AGK: variants seen among roughly 807,000 people sequenced by gnomAD.
AGK encodes acylglycerol kinase, mitochondrial.
Under a neutral mutation model 66.4 loss-of-function variants are expected in AGK, and 52 were observed. The ratio of observed to expected loss-of-function variants is 0.78; its 90% CI spans 0.63 to 0.99. The LOEUF is 0.99. AGK is among the 50% of genes least tolerant of loss of function. The pLI is 0.00. For synonymous variants in AGK, 182 were observed against 181.1 expected, an observed-to-expected ratio of 1.00 and a Z score of -0.04; for missense variants, 451 against 506.6, an observed-to-expected ratio of 0.89 and a Z score of 1.05.
chr7:141,581,141 A>T (rs1795873591), intron 2 of AGK, among the ~76,000 whole-genome samples: 1 of 152,026 alleles, frequency 6.6e-6, no homozygotes, highest in Non-Finnish European at 1.5e-5. Flanking sequence ...GATATACGTA[A>T]CAGATGAAGA....
At chr7:141,604,878 A>G (rs1196974779) in intron 5 of AGK, among the ~76,000 whole-genome samples, 3 of 151,958 alleles carry the variant, frequency 2.0e-5, no homozygotes, top group Non-Finnish European at 4.4e-5. Context: ...AAAAGAAAAA[A>G]CACTTTTTCT....
intron 2 of AGK, among the ~76,000 whole-genome samples, chr7:141,582,774 T>G (rs764494627): frequency 6.6e-6 from 1 of 151,802 alleles, no homozygotes; most frequent in Non-Finnish European, 1.5e-5. Context: ...GGAACGAAAC[T>G]GTAAGCCAGA....
intron 2 of AGK, among the ~76,000 whole-genome samples, chr7:141,590,331 A>T (rs1348048318): frequency 6.6e-6 from 1 of 152,200 alleles, no homozygotes; most frequent in Non-Finnish European, 1.5e-5. Context: ...TAGAGATGGG[A>T]TTGTAGCTTT....
intron 13 of AGK, among the ~76,000 whole-genome samples, chr7:141,647,011 G>C (rs1226455010): frequency 6.6e-6 from 1 of 152,018 alleles, no homozygotes; most frequent in Non-Finnish European, 1.5e-5. Context: ...CTGGTGACTT[G>C]GTGGTTGTCC....
At chr7:141,629,818 G>A (rs1797018760) in intron 9 of AGK, among the ~76,000 whole-genome samples, 1 of 151,942 alleles carries the variant, frequency 6.6e-6, no homozygotes, top group Admixed American at 6.6e-5. Flanking sequence ...CAGGGTTAGA[G>A]GATCAGTCGG....
At chr7:141,638,056 C>T (rs143447485) in intron 11 of AGK, among the ~76,000 whole-genome samples, 70 of 152,256 alleles carry the variant, frequency 4.6e-4, no homozygotes, top group Non-Finnish European at 7.5e-4. Context: ...GGAATATAAA[C>T]TGTTGCCACT....
intron 2 of AGK, among the ~76,000 whole-genome samples, chr7:141,559,557 C>A (rs1795291430): frequency 6.6e-6 from 1 of 152,082 alleles, no homozygotes; most frequent in African/African-American, 2.4e-5. Context: ...AGACTTCCAT[C>A]CTTGTTCTTT....
At chr7:141,651,911 G>A (rs1316460014) in intron 15 of AGK, among the ~76,000 whole-genome samples, 1 of 152,152 alleles carries the variant, frequency 6.6e-6, no homozygotes, top group Non-Finnish European at 1.5e-5. Context: ...TAATGCAGAA[G>A]GTTACTACAT....
At chr7:141,618,455 G>T (rs545369512) in intron 8 of AGK, among the ~76,000 whole-genome samples, 1 of 152,094 alleles carries the variant, frequency 6.6e-6, no homozygotes. Context: ...GTCTATTTAC[G>T]TAAGTGTAAT....
chr7:141,645,484 C>G (rs1587168778), intron 13 of AGK, among the ~76,000 whole-genome samples: 1 of 152,080 alleles, frequency 6.6e-6, no homozygotes, highest in Admixed American at 6.5e-5. Context: ...GCAAATAGTG[C>G]AAGGTTTGTT....
Position 141,627,261 on chromosome 7 carries a change from C to T in AGK, c.588+5460C>T, listed in dbSNP as rs927098903. On this transcript the variant is annotated intron_variant, in intron 9 of 15. Transcript: ENST00000649286. ...TCTCACTTGGATAGTAGTTACATAG[C>T]GATTCCTTTTTCATCTAAACTCTTA... Among the ~76,000 whole-genome samples, 15 of 152,188 alleles carry T rather than the reference C, an allele frequency of 9.9e-5. 1 individual carries two copies. The South Asian group carries it at 2.1e-3, about 21-fold the overall frequency.
At chr7:141,615,774 T>TA in intron 8 of AGK, 3 of 554,038 alleles carry the variant, frequency 5.4e-6, no homozygotes, top group African/African-American at 3.8e-5. Flanking sequence ...CCAGGTCAGG[T>TA]AGGGAGGTGA....
At chr7:141,634,408 G>C (rs1249437180) in intron 10 of AGK, among the ~76,000 whole-genome samples, 1 of 152,182 alleles carries the variant, frequency 6.6e-6, no homozygotes, top group Admixed American at 6.5e-5. Context: ...TTTTGTGAAG[G>C]CCTCGCAGAT....
Position 141,652,953 on chromosome 7 carries a change from C to G in AGK, c.*29C>G. The G allele has an allele frequency of 6.2e-7, 1 of 1,612,230 alleles. No homozygotes were observed. On this transcript the variant is annotated 3_prime_UTR_variant, in exon 16 of 16. Coordinates refer to ENST00000649286, the MANE Select transcript of AGK (RefSeq NM_018238.4). ...GCAGAAGACAAGCACTCTGAGACCA[C>G]ACTTTAGGCCACCGGTGGGACCAAA...
intron 9 of AGK, among the ~76,000 whole-genome samples, chr7:141,626,736 A>G (rs1796946658): frequency 6.6e-6 from 1 of 152,252 alleles, no homozygotes; most frequent in Admixed American, 6.5e-5. Flanking sequence ...CAGTCTGTTC[A>G]GGATTAAGGA....
chr7:141,631,368 C>T (rs934181685), intron 9 of AGK, among the ~76,000 whole-genome samples: 2 of 152,158 alleles, frequency 1.3e-5, no homozygotes, highest in South Asian at 2.1e-4. Flanking sequence ...TGAGGATTCT[C>T]ACTTCAAAAC....
intron 2 of AGK, among the ~76,000 whole-genome samples, chr7:141,560,912 G>A (rs1263174908): frequency 1.3e-5 from 2 of 150,232 alleles, no homozygotes; most frequent in Non-Finnish European, 2.9e-5. Context: ...TTCTGCCTCA[G>A]CCTCCCAAGT....
At chr7:141,646,896 G>A (rs934981565) in intron 13 of AGK, among the ~76,000 whole-genome samples, 9 of 152,100 alleles carry the variant, frequency 5.9e-5, no homozygotes, top group African/African-American at 9.7e-5. Context: ...AATGTTTCCC[G>A]ACCCTGTTCT....
At chr7:141,606,597 T>A (rs142442723) in intron 5 of AGK, among the ~76,000 whole-genome samples, 90 of 152,300 alleles carry the variant, frequency 5.9e-4, no homozygotes, top group African/African-American at 2.1e-3. Context: ...ATTAACATCT[T>A]GCGTTAGTGT....
Sources: allele counts gnomAD v4.1 joint callset (sites outside exome capture counted in the v4.1 genomes callset), GRCh38; gene constraint gnomAD v4.1.1; transcripts MANE v1.5; gene names NCBI Gene and HGNC (gene_info 2026-07-23, HGNC 2026-07-21).